Variants in DCAF17 observed in about 807,000 individuals in gnomAD.
DCAF17 encodes the protein DDB1 and CUL4 associated factor 17, also known as DDB1- and CUL4-associated factor 17.
Under a neutral mutation model 66.0 loss-of-function variants are expected in DCAF17, and 48 were observed. The ratio of observed to expected loss-of-function variants is 0.73; its 90% CI spans 0.58 to 0.92. The LOEUF (loss-of-function observed/expected upper bound fraction) is 0.92, where lower values mean the gene tolerates loss of function less well. DCAF17 is among the 40% of genes least tolerant of loss of function. The pLI, the probability that DCAF17 is intolerant of heterozygous loss-of-function variation, is 0.00. For missense variants in DCAF17, 562 were observed against 622.8 expected (o/e 0.90, Z 1.04); for synonymous variants, 206 against 214.6 (o/e 0.96, Z 0.35).
chr2:171,453,183 A>G lies in DCAF17; in HGVS notation c.597A>G (p.Ser199=), dbSNP rs1299342172. Residue 199 remains serine (S), a synonymous_variant, in exon 6 of 14, where the codon TCA becomes TCG. Transcript: ENST00000375255. The stretch of plus-strand genomic sequence containing the variant: ...CAGTGTTCCGAGTTCTACCTTTTTC[A>G]CTTGTAGGGATTCTAGAGATCAACA... ...YLAVFRVLPF[S]LVGILEINKK... 1.9e-6 allele frequency: 3 copies of G among 1,612,656 alleles called. No homozygotes were observed. The highest frequency in any genetic ancestry group is 3.3e-5 in the Admixed American group (2 of 59,910).
At chr2:171,474,774 A>G (rs2105805422) in intron 10 of DCAF17, among the ~76,000 whole-genome samples, 1 of 152,252 alleles carries the variant, frequency 6.6e-6, no homozygotes, top group South Asian at 2.1e-4. Flanking sequence ...CATACACACC[A>G]TATATCCTCT....
chr2:171,435,453 G>A (rs1425203096), intron 2 of DCAF17, among the ~76,000 whole-genome samples: 1 of 151,930 alleles, frequency 6.6e-6, no homozygotes, highest in Non-Finnish European at 1.5e-5. Context: ...TTAGTGTTTA[G>A]TCTACTTATA....
chr2:171,472,093 G>T (rs893364196), intron 9 of DCAF17, among the ~76,000 whole-genome samples: 2 of 152,132 alleles, frequency 1.3e-5, no homozygotes, highest in Non-Finnish European at 2.9e-5. Flanking sequence ...CAGTATCATG[G>T]CTGGATGCTA....
At chr2:171,434,919 C>G (rs754553993) in intron 1 of DCAF17, 164 bp from the exon 2 acceptor site, 4 of 1,046,634 alleles carry the variant, frequency 3.8e-6, no homozygotes, top group Non-Finnish European at 5.4e-6. Flanking sequence ...AACAATTATT[C>G]TAAAAGTTGG....
At position 171,484,505 on chromosome 2, in the gene DCAF17, T is replaced by C. The variant is rs1054996078; in HGVS notation, c.*3391T>C. The C allele has an allele frequency of 2.7e-5, 12 of 447,786 alleles. No individual in the cohort carries two copies. In the East Asian group the frequency reaches 7.7e-4, roughly 29 times the overall value. 27.7% of individuals were successfully genotyped at this position (447,786 alleles called of 1,614,324 possible). A position where few individuals can be genotyped will look rare whatever the true frequency, so the allele number is the denominator to read the frequency against. On this transcript the variant is annotated 3_prime_UTR_variant, in exon 14 of 14. Coordinates refer to ENST00000375255, the MANE Select transcript of DCAF17 (RefSeq NM_025000.4). ...ACTTTTTGATGGATTTCAAAATAAA[T>C]TGCAGTTGCTGATATACTTCCCCCT...
chr2:171,449,859 TCTC>T lies in DCAF17; in HGVS notation c.459-19_459-17del, dbSNP rs546878583. 1.7e-4 allele frequency: 277 copies of T among 1,603,138 alleles called. No homozygotes were observed. The African/African-American group carries it at 3.0e-3, about 17-fold the overall frequency. ...GGAAACTGACCCAAATAAATAAACT[TCTC>T]TTCATTCTTTTAAAAGATACTTGAG... On this transcript the variant is annotated splice_polypyrimidine_tract_variant and intron_variant, in intron 4 of 13. Coordinates refer to ENST00000375255, the MANE Select transcript of DCAF17 (RefSeq NM_025000.4).
chr2:171,480,442 C>T (rs138362232), intron 13 of DCAF17, among the ~76,000 whole-genome samples: 1 of 152,272 alleles, frequency 6.6e-6, no homozygotes, highest in African/African-American at 2.4e-5. Context: ...TTGTCTCTTT[C>T]CCTACCCTAG....
In DCAF17 at chr2:171,468,782, A is replaced by T. The variant is rs1028485183; in HGVS notation, c.839-106A>T. 1.7e-5 allele frequency: 24 copies of T among 1,411,606 alleles called. No individual in the cohort carries two copies. In the African/African-American group the frequency reaches 2.7e-4, roughly 16 times the overall value. The allele number at this position is 1,411,606 out of a possible 1,614,324, so 87.4% of individuals were successfully genotyped here. On this transcript the variant is annotated intron_variant, in intron 8 of 13. Transcript: ENST00000375255. ...TTGAACATAGTAATTTTTCATTAAT[A>T]GAAATTTATAGATGTTGCATGCAAA...
chr2:171,483,585 C>G lies in DCAF17; in HGVS notation c.*2471C>G, dbSNP rs1262298072. The G allele has an allele frequency of 2.2e-6, 1 of 454,118 alleles. No homozygotes were observed. Among genetic ancestry groups the G allele is most frequent in the Non-Finnish European group, 4.4e-6 (1 of 226,798 alleles). 28.1% of individuals were successfully genotyped at this position (454,118 alleles called of 1,614,324 possible). On this transcript the variant is annotated 3_prime_UTR_variant, in exon 14 of 14. Transcript: ENST00000375255. ...TGCTACCTAGTGAGGAGATACCGCTCTGTTTAGACAAATTAAGGCACTTCA... is the reference window on the plus strand; with the variant it reads ...TGCTACCTAGTGAGGAGATACCGCTGTGTTTAGACAAATTAAGGCACTTCA...
rs1696806368 is a variant in DCAF17 at position 171,483,013 on chromosome 2, C to G, written c.*1899C>G. On this transcript the variant is annotated 3_prime_UTR_variant, in exon 14 of 14. Transcript: ENST00000375255. ...CCCCAACTAAAAGGAGCAGCTGCTACTGCTTAGTTTCAGCCAGTTGCAACA... is the reference window on the plus strand; with the variant it reads ...CCCCAACTAAAAGGAGCAGCTGCTAGTGCTTAGTTTCAGCCAGTTGCAACA... 2.2e-6 allele frequency: 1 copy of G among 453,986 alleles called. No individual in the cohort carries two copies. The highest frequency in any genetic ancestry group is 4.4e-6 in the Non-Finnish European group (1 of 226,784). 28.1% of individuals were successfully genotyped at this position (453,986 alleles called of 1,614,324 possible).
At chr2:171,463,814 A>C (rs560080976) in intron 8 of DCAF17, among the ~76,000 whole-genome samples, 1 of 152,356 alleles carries the variant, frequency 6.6e-6, no homozygotes, top group South Asian at 2.1e-4. Context: ...TTTTCTAGAA[A>C]TAAAAGCTTT....
Position 171,446,703 on chromosome 2 carries a change from G to A in DCAF17, c.322-1978G>A, listed in dbSNP as rs536785773. Among the ~76,000 whole-genome samples the A allele has an allele frequency of 2.0e-5, 3 of 152,260 alleles. No individual in the cohort carries two copies. In the East Asian group the frequency reaches 5.8e-4, roughly 29 times the overall value. ...GGGGAAAAGAGCAGGATAACAGTGT[G>A]GAGACTGCTAAGTTGAGAATTTAAA... On this transcript the variant is annotated intron_variant, in intron 3 of 13. Coordinates refer to ENST00000375255, the MANE Select transcript of DCAF17 (RefSeq NM_025000.4).
intron 6 of DCAF17, among the ~76,000 whole-genome samples, chr2:171,454,066 A>C (rs1695104535): frequency 6.6e-6 from 1 of 152,182 alleles, no homozygotes; most frequent in Admixed American, 6.5e-5. Flanking sequence ...GCTACTCAGA[A>C]GGCTGAGGCA....
At chr2:171,454,387 C>T (rs964197326) in intron 6 of DCAF17, among the ~76,000 whole-genome samples, 5 of 150,940 alleles carry the variant, frequency 3.3e-5, no homozygotes. Flanking sequence ...TGGGTTCAAA[C>T]AATTCTTCTG....
chr2:171,445,166 C>T (rs1466859068), intron 3 of DCAF17, among the ~76,000 whole-genome samples: 8 of 151,778 alleles, frequency 5.3e-5, no homozygotes, highest in African/African-American at 1.9e-4. Context: ...TCTTTGTTGC[C>T]CAGGCTGCAG....
At chr2:171,438,511 A>G (rs1389244242) in intron 2 of DCAF17, among the ~76,000 whole-genome samples, 1 of 152,192 alleles carries the variant, frequency 6.6e-6, no homozygotes, top group East Asian at 1.9e-4. Context: ...CGTGTTTGCC[A>G]CATTGTGTTT....
intron 5 of DCAF17, among the ~76,000 whole-genome samples, chr2:171,450,925 T>G (rs1167878209): frequency 1.3e-5 from 2 of 152,082 alleles, no homozygotes; most frequent in African/African-American, 4.8e-5. Context: ...TAACCTTGGC[T>G]CAAACTCAGG....
chr2:171,469,457 G>A (rs1696115742), intron 9 of DCAF17, among the ~76,000 whole-genome samples: 1 of 152,176 alleles, frequency 6.6e-6, no homozygotes, highest in Non-Finnish European at 1.5e-5. Context: ...CACAGTGTAG[G>A]TAAATTGAAG....
rs541223174 is a variant in DCAF17 at position 171,482,977 on chromosome 2, G to C, written c.*1863G>C. 1 of 454,076 alleles carries C rather than the reference G, an allele frequency of 2.2e-6. No homozygotes were observed. Among genetic ancestry groups the C allele is most frequent in the South Asian group, 1.6e-5 (1 of 64,476 alleles). The allele number at this position is 454,076 out of a possible 1,614,324, so 28.1% of individuals were successfully genotyped here. Reference sequence around the variant, plus strand: ...GGAGTTGTGGGCAGTGTAACAAACAGGAGAGCTATGCCCCAACTAAAAGGA... The same window carrying C: ...GGAGTTGTGGGCAGTGTAACAAACACGAGAGCTATGCCCCAACTAAAAGGA... On this transcript the variant is annotated 3_prime_UTR_variant, in exon 14 of 14. Coordinates refer to ENST00000375255, the MANE Select transcript of DCAF17 (RefSeq NM_025000.4).
Sources: gnomAD v4.1 joint callset for allele counts (sites outside exome capture counted in the v4.1 genomes callset) on GRCh38, gnomAD v4.1.1 for gene constraint, MANE v1.5 for transcripts, NCBI Gene and HGNC (gene_info 2026-07-23, HGNC 2026-07-21) for gene names.